GAPVD1: variants seen among roughly 807,000 people sequenced by gnomAD.
GAPVD1 encodes GTPase activating protein and VPS9 domains 1, also known as GTPase-activating protein and VPS9 domain-containing protein 1.
GAPVD1 carries 35 observed loss-of-function variants against 155.5 expected under a neutral mutation model. The ratio of observed to expected loss-of-function variants is 0.23; its 90% CI spans 0.17 to 0.30. GAPVD1 has a LOEUF of 0.30. Among genes scored for constraint, GAPVD1 ranks in the 10% least tolerant of loss-of-function variants. The pLI is 1.00. For missense variants in GAPVD1, 1,429 were observed against 1,775.7 expected, an observed-to-expected ratio of 0.80 and a Z score of 3.51; for synonymous variants, 636 against 619.7, an observed-to-expected ratio of 1.03 and a Z score of -0.39.
intron 27 of GAPVD1, among the ~76,000 whole-genome samples, chr9:125,362,243 C>G (rs1436222575): frequency 6.6e-6 from 1 of 152,158 alleles, no homozygotes; most frequent in Non-Finnish European, 1.5e-5. Flanking sequence ...CCTGGACTTA[C>G]CAGATATAAC....
intron 10 of GAPVD1, 71 bp downstream of exon 10, chr9:125,321,633 T>C: frequency 7.4e-7 from 1 of 1,350,082 alleles, no homozygotes; most frequent in Non-Finnish European, 1.0e-6. Context: ...TTAAAGGAGC[T>C]TATAAATTAT....
At chr9:125,338,693 T>C (rs532614880) in intron 17 of GAPVD1, among the ~76,000 whole-genome samples, 1 of 152,368 alleles carries the variant, frequency 6.6e-6, no homozygotes, top group East Asian at 1.9e-4. Context: ...CATTGCACTT[T>C]GTCAGGTAGC....
At chr9:125,342,348 T>C in intron 19 of GAPVD1, 49 bp downstream of exon 19, 2 of 1,017,020 alleles carry the variant, frequency 2.0e-6, no homozygotes, top group East Asian at 2.4e-5. Flanking sequence ...AGAGCACATA[T>C]TTCATAACAC....
At position 125,350,303 on chromosome 9, in the gene GAPVD1, A is replaced by G; in HGVS notation, c.3308A>G (p.Lys1103Arg). ...TTCTACTCATTTTTCAGAGATGCAA[A>G]AAAGAAACTGAGGCTTGCTCTTTGC... is the stretch of plus-strand genomic sequence containing the variant. Reference protein sequence around the residue: ...QDSAFSYRDAKKKLRLALCSA... With the variant: ...QDSAFSYRDARKKLRLALCSA... The change falls in exon 22 of 28, where the codon AAA becomes AGA. Residue 1103 changes from lysine to arginine, a missense_variant. By Grantham distance (26) the Lys-to-Arg change is conservative. Around this residue, in one of 4 missense-constraint regions of GAPVD1, gnomAD observed 699 missense variants for 826.0 expected, o/e 0.85. Transcript: ENST00000297933. The G allele has an allele frequency of 6.3e-7, 1 of 1,584,204 alleles. No homozygotes were observed. Among genetic ancestry groups the G allele is most frequent in the South Asian group, 1.2e-5 (1 of 85,378 alleles).
chr9:125,298,661 TG>T (rs1400285745), intron 3 of GAPVD1, among the ~76,000 whole-genome samples: 2 of 151,802 alleles, frequency 1.3e-5, no homozygotes, highest in African/African-American at 4.8e-5. Flanking sequence ...GCTAATTTTT[TG>T]TGTTTTAGTA....
chr9:125,332,628 C>T lies in GAPVD1; in HGVS notation c.2427C>T (p.His809=), dbSNP rs771075204. The part of the protein sequence containing the change: ...VTSPDMDEIT[H]GAHQLTSPPS... ...GTCCAGACATGGATGAAATAACTCA[C>T]GGTAAGAGGGGGAAATGAGGATGAC... is the stretch of plus-strand genomic sequence containing the variant. The change falls in exon 15 of 28, where the codon CAC becomes CAT. Residue 809 remains histidine (H), a splice_region_variant and synonymous_variant. Transcript: ENST00000297933. 4.2e-5 allele frequency: 67 copies of T among 1,606,180 alleles called. 1 individual carries two copies. In the South Asian group the frequency reaches 5.0e-4, roughly 12 times the overall value.
chr9:125,297,938 G>T (rs1157675400), intron 3 of GAPVD1, among the ~76,000 whole-genome samples: 1 of 152,150 alleles, frequency 6.6e-6, no homozygotes, highest in Admixed American at 6.5e-5. Context: ...TAGAAACGGG[G>T]TTTCATCATG....
chr9:125,335,383 T>G (rs546826339), intron 15 of GAPVD1: 3 of 466,956 alleles, frequency 6.4e-6, no homozygotes. Context: ...TTTCTTTTTT[T>G]TTTTAAAAAT....
chr9:125,263,649 C>T lies in GAPVD1; in HGVS notation c.-199+1690C>T, dbSNP rs1035297532. ...ACTGGAATTTGGCTGCTGACCCAGCCCCAGCCTCAGCTTTCTTGTCGGCAC... is the reference window on the plus strand; with the variant it reads ...ACTGGAATTTGGCTGCTGACCCAGCTCCAGCCTCAGCTTTCTTGTCGGCAC... On this transcript the variant is annotated intron_variant, in intron 1 of 27. Coordinates refer to ENST00000297933, the MANE Select transcript of GAPVD1 (RefSeq NM_001282680.3). 7 of 1,041,662 alleles carry T rather than the reference C, an allele frequency of 6.7e-6. No individual in the cohort carries two copies. The African/African-American group carries it at 9.3e-5, about 14-fold the overall frequency. 64.5% of individuals were successfully genotyped at this position (1,041,662 alleles called of 1,614,324 possible).
intron 2 of GAPVD1, among the ~76,000 whole-genome samples, chr9:125,286,697 A>G (rs573830336): frequency 3.3e-4 from 51 of 152,274 alleles, no homozygotes; most frequent in African/African-American, 1.1e-3. Flanking sequence ...GGGGATACAT[A>G]GGCCTAAGAG....
intron 18 of GAPVD1, 178 bp downstream of exon 18, chr9:125,341,442 ATGTTCT>A (rs1319400585): frequency 7.6e-6 from 4 of 523,574 alleles, no homozygotes; most frequent in African/African-American, 3.9e-5. Flanking sequence ...AGCTTTAGAA[ATGTTCT>A]TGTTCTTTGC....
rs147618751 is a variant in GAPVD1, at chr9:125,318,452, G to A, written c.1603-2981G>A. Among the ~76,000 whole-genome samples the A allele has an allele frequency of 1.8e-3, 268 of 152,218 alleles. 1 individual carries two copies. The highest frequency in any genetic ancestry group is 5.9e-3 in the African/African-American group (244 of 41,528). On this transcript the variant is annotated intron_variant, in intron 9 of 27. Transcript: ENST00000297933. ...TTTGTACAGTGGCTTTCTGTATGGC[G>A]TCTCAAAATTGCTTGCCTTTGGATA...
At chr9:125,278,429 G>A (rs1836175433) in intron 2 of GAPVD1, among the ~76,000 whole-genome samples, 1 of 152,154 alleles carries the variant, frequency 6.6e-6, no homozygotes, top group Admixed American at 6.6e-5. Context: ...GCTGAGGCAG[G>A]AGAATCACTT....
chr9:125,311,797 T>C (rs1174402893), intron 8 of GAPVD1, among the ~76,000 whole-genome samples: 1 of 151,896 alleles, frequency 6.6e-6, no homozygotes, highest in Non-Finnish European at 1.5e-5. Context: ...TTGGCCCACT[T>C]CAGTCTCCGT....
At chr9:125,278,163 TG>T (rs1183138684) in intron 2 of GAPVD1, among the ~76,000 whole-genome samples, 1 of 152,198 alleles carries the variant, frequency 6.6e-6, no homozygotes, top group Non-Finnish European at 1.5e-5. Flanking sequence ...AAAAAATATT[TG>T]CAAGAGACAC....
chr9:125,290,229 A>G (rs994498802), intron 2 of GAPVD1, among the ~76,000 whole-genome samples: 15 of 152,164 alleles, frequency 9.9e-5, no homozygotes, highest in Admixed American at 9.8e-4. Context: ...GAGAGGGGAA[A>G]GTGAAGTAGA....
At chr9:125,271,822 C>A (rs1029965096) in intron 2 of GAPVD1, among the ~76,000 whole-genome samples, 2 of 151,928 alleles carry the variant, frequency 1.3e-5, no homozygotes, top group Non-Finnish European at 2.9e-5. Flanking sequence ...GCTTACCCAC[C>A]GCACCTGGCC....
chr9:125,354,195 C>G (rs1028671520), intron 23 of GAPVD1, among the ~76,000 whole-genome samples: 10 of 152,084 alleles, frequency 6.6e-5, no homozygotes, highest in African/African-American at 2.4e-4. Flanking sequence ...AATGGGCACT[C>G]TAGTAAATGT....
At chr9:125,344,735 G>T (rs745431448) in intron 19 of GAPVD1, among the ~76,000 whole-genome samples, 54 of 151,134 alleles carry the variant, frequency 3.6e-4, no homozygotes, top group Non-Finnish European at 6.5e-4. Context: ...TGGAGGCCAA[G>T]AGTTTGGGGT....
Sources: gnomAD v4.1 joint callset for allele counts (sites outside exome capture counted in the v4.1 genomes callset) on GRCh38, gnomAD v4.1.1 for gene constraint, gnomAD v4.1.1 regional missense constraint, MANE v1.5 for transcripts, NCBI Gene and HGNC (gene_info 2026-07-23, HGNC 2026-07-21) for gene names.